The following TIAM1 variants were observed in gnomAD, a reference collection of about 807,000 sequenced individuals.
TIAM1 encodes TIAM Rac1 associated GEF 1.
A neutral mutation model predicts 163.5 loss-of-function variants in TIAM1; 65 were observed. The ratio of observed to expected loss-of-function variants is 0.40; its 90% confidence interval spans 0.33 to 0.49. TIAM1 has a LOEUF of 0.49. Ranked by LOEUF, TIAM1 falls within the 20% of genes least tolerant of loss-of-function variation. The probability of loss-of-function intolerance (pLI) is 0.77; values close to 1 mark genes in which losing one functional copy is unlikely to be tolerated. For missense variants in TIAM1, 1,789 were observed against 2,044.7 expected (o/e 0.87, Z 2.41); for synonymous variants, 833 against 810.1 (o/e 1.03, Z -0.48).
chr21:31,536,504 T>C (rs954091596), intron 1 of TIAM1, among the ~76,000 whole-genome samples: 4 of 152,228 alleles, frequency 2.6e-5, no homozygotes, highest in Non-Finnish European at 4.4e-5. Context: ...CGGGACCCAC[T>C]AGAGATTCAA....
intron 22 of TIAM1, among the ~76,000 whole-genome samples, chr21:31,137,949 G>A (rs1452990983): frequency 6.6e-6 from 1 of 150,882 alleles, no homozygotes; most frequent in Non-Finnish European, 1.5e-5. Flanking sequence ...CTGAAAATGG[G>A]CTGATGCTGT....
intron 1 of TIAM1, among the ~76,000 whole-genome samples, chr21:31,492,074 ATATG>A (rs2046487354): frequency 6.6e-6 from 1 of 152,202 alleles, no homozygotes; most frequent in African/African-American, 2.4e-5. Flanking sequence ...ATGTGTGTAT[ATATG>A]TATGTATATG....
At chr21:31,307,397 C>G (rs1044932432) in intron 2 of TIAM1, among the ~76,000 whole-genome samples, 7 of 152,150 alleles carry the variant, frequency 4.6e-5, no homozygotes, top group African/African-American at 1.7e-4. Context: ...TAAGAAACAC[C>G]TCCTGCATCC....
chr21:31,161,821 T>G (rs371144280), intron 16 of TIAM1, among the ~76,000 whole-genome samples: 4 of 152,216 alleles, frequency 2.6e-5, no homozygotes, highest in African/African-American at 9.7e-5. Context: ...ATTGAAAAAT[T>G]AATTTTCAGC....
chr21:31,290,947 C>T (rs2073997422), intron 2 of TIAM1, among the ~76,000 whole-genome samples: 1 of 152,158 alleles, frequency 6.6e-6, no homozygotes, highest in Non-Finnish European at 1.5e-5. Flanking sequence ...GGTGATAGCA[C>T]TAGCGCTCAC....
At chr21:31,424,013 G>A (rs761714613) in intron 2 of TIAM1, among the ~76,000 whole-genome samples, 69 of 152,084 alleles carry the variant, frequency 4.5e-4, no homozygotes, top group Admixed American at 2.0e-4. Context: ...TGAATTGCAC[G>A]GTGTGTGAAT....
At chr21:31,416,985 T>C (rs967511544) in intron 2 of TIAM1, among the ~76,000 whole-genome samples, 1 of 152,208 alleles carries the variant, frequency 6.6e-6, no homozygotes, top group African/African-American at 2.4e-5. Flanking sequence ...TAAAGACATA[T>C]CCAAGATTCA....
At chr21:31,470,978 G>C (rs2045719803) in intron 1 of TIAM1, among the ~76,000 whole-genome samples, 2 of 152,190 alleles carry the variant, frequency 1.3e-5, no homozygotes, top group Admixed American at 6.5e-5. Context: ...ATCTCTCACA[G>C]CTCCCTCTCA....
intron 5 of TIAM1, among the ~76,000 whole-genome samples, chr21:31,246,987 C>CT (rs1569100191): frequency 1.3e-5 from 2 of 152,128 alleles, no homozygotes; most frequent in Admixed American, 1.3e-4. Flanking sequence ...ACAGTTGCTT[C>CT]TTTTTTCAAA....
At chr21:31,159,557 T>G (rs548931948) in intron 16 of TIAM1, among the ~76,000 whole-genome samples, 4 of 152,330 alleles carry the variant, frequency 2.6e-5, no homozygotes, top group Middle Eastern at 3.4e-3. Context: ...AAGCTTTTTT[T>G]GGGGACAATG....
At chr21:31,214,123 G>A (rs2087039473) in intron 9 of TIAM1, among the ~76,000 whole-genome samples, 2 of 152,186 alleles carry the variant, frequency 1.3e-5, no homozygotes, top group East Asian at 1.9e-4. Flanking sequence ...CCAGGAGTTT[G>A]AGACCAGTTT....
chr21:31,312,641 C>T (rs886247532), intron 2 of TIAM1, among the ~76,000 whole-genome samples: 1 of 152,130 alleles, frequency 6.6e-6, no homozygotes, highest in African/African-American at 2.4e-5. Context: ...TCACTGAATC[C>T]ATCCATAATA....
intron 13 of TIAM1, among the ~76,000 whole-genome samples, chr21:31,194,985 CT>C (rs1390773556): frequency 1.3e-5 from 2 of 152,178 alleles, no homozygotes; most frequent in African/African-American, 4.8e-5. Context: ...TACCCACTTC[CT>C]TTTTAGGACA....
At chr21:31,416,913 C>T (rs1299857537) in intron 2 of TIAM1, among the ~76,000 whole-genome samples, 1 of 152,214 alleles carries the variant, frequency 6.6e-6, no homozygotes, top group Admixed American at 6.5e-5. Context: ...ACCGAATCAA[C>T]AAGTCAAAGG....
intron 2 of TIAM1, among the ~76,000 whole-genome samples, chr21:31,428,028 G>A (rs918552690): frequency 1.3e-5 from 2 of 152,104 alleles, no homozygotes; most frequent in Non-Finnish European, 2.9e-5. Context: ...TTGGGAGGCC[G>A]AAGCGGGTGG....
chr21:31,235,150 G>A (rs1462615273), intron 6 of TIAM1, among the ~76,000 whole-genome samples: 2 of 152,142 alleles, frequency 1.3e-5, no homozygotes, highest in Non-Finnish European at 2.9e-5. Context: ...TGTGCCAGGG[G>A]AGGGCAGGCT....
chr21:31,393,294 C>T (rs1322884784), intron 2 of TIAM1, among the ~76,000 whole-genome samples: 1 of 152,150 alleles, frequency 6.6e-6, no homozygotes, highest in Admixed American at 6.5e-5. Context: ...TATTGCTTTA[C>T]AGCAATGAAA....
chr21:31,487,969 G>A (rs1312483764), intron 1 of TIAM1, among the ~76,000 whole-genome samples: 1 of 152,216 alleles, frequency 6.6e-6, no homozygotes, highest in Admixed American at 6.5e-5. Context: ...TAGGATTACA[G>A]GCACGAGCCA....
intron 1 of TIAM1, among the ~76,000 whole-genome samples, chr21:31,540,839 C>A (rs1427338459): frequency 1.3e-5 from 2 of 152,138 alleles, no homozygotes; most frequent in East Asian, 3.9e-4. Flanking sequence ...GTAAAGTCTA[C>A]CTGAAAAGTA....
Sources: allele counts gnomAD v4.1 joint callset (sites outside exome capture counted in the v4.1 genomes callset), GRCh38; gene constraint gnomAD v4.1.1; transcripts MANE v1.5; gene names NCBI Gene and HGNC (gene_info 2026-07-23, HGNC 2026-07-21).